The following PLCB4 variants were observed in gnomAD, a reference collection of about 807,000 sequenced individuals.
PLCB4 encodes phospholipase C beta 4.
Under a neutral mutation model 178.8 loss-of-function variants are expected in PLCB4, and 77 were observed. The observed-to-expected ratio is 0.43, with a 90% CI of 0.36 to 0.52. The LOEUF (loss-of-function observed/expected upper bound fraction) is 0.52, where lower values mean the gene tolerates loss of function less well. PLCB4 is among the 20% of genes least tolerant of loss of function. The probability of loss-of-function intolerance (pLI) is 0.00; values close to 1 mark genes in which losing one functional copy is unlikely to be tolerated. For missense variants in PLCB4, 1,024 were observed against 1,453.4 expected, an observed-to-expected ratio of 0.70 and a Z score of 4.80; for synonymous variants, 496 against 490.8, an observed-to-expected ratio of 1.01 and a Z score of -0.14.
chr20:9,388,573 G>A (rs952285634), intron 15 of PLCB4, among the ~76,000 whole-genome samples: 4 of 152,144 alleles, frequency 2.6e-5, no homozygotes, highest in Non-Finnish European at 4.4e-5. Flanking sequence ...ACAAAAATTA[G>A]CTGGTGTGGT....
At chr20:9,410,040 A>G (rs2039746168) in intron 24 of PLCB4, among the ~76,000 whole-genome samples, 1 of 152,130 alleles carries the variant, frequency 6.6e-6, no homozygotes, top group Non-Finnish European at 1.5e-5. Flanking sequence ...CAATTTGAGG[A>G]TTTTTTAAAA....
At chr20:9,275,457 G>A (rs2094442485) in intron 3 of PLCB4, among the ~76,000 whole-genome samples, 1 of 152,020 alleles carries the variant, frequency 6.6e-6, no homozygotes, top group Admixed American at 6.6e-5. Flanking sequence ...CTGGTGGGGA[G>A]GAAACAAGTG....
At chr20:9,316,624 A>G (rs1235850704) in intron 4 of PLCB4, among the ~76,000 whole-genome samples, 1 of 152,294 alleles carries the variant, frequency 6.6e-6, no homozygotes, top group Admixed American at 6.5e-5. Flanking sequence ...GAAGAATATC[A>G]GTTGTTCTCC....
chr20:9,076,169 TA>T (rs879395589), intron 1 of PLCB4, among the ~76,000 whole-genome samples: 10 of 151,990 alleles, frequency 6.6e-5, no homozygotes, highest in Non-Finnish European at 1.3e-4. Context: ...GGTGCTCCTT[TA>T]AAATAAGAAC....
At chr20:9,438,423 A>C (rs150476087) in intron 30 of PLCB4, among the ~76,000 whole-genome samples, 10 of 152,002 alleles carry the variant, frequency 6.6e-5, no homozygotes, top group African/African-American at 1.4e-4. Flanking sequence ...TATGGGCCTT[A>C]GGCAGAAAGG....
At chr20:9,205,797 G>A (rs1040522980) in intron 2 of PLCB4, among the ~76,000 whole-genome samples, 8 of 152,104 alleles carry the variant, frequency 5.3e-5, no homozygotes, top group African/African-American at 1.9e-4. Context: ...TAACCCCTGG[G>A]AACCATTAAT....
intron 3 of PLCB4, among the ~76,000 whole-genome samples, chr20:9,294,985 A>G (rs571547163): frequency 2.0e-4 from 30 of 152,292 alleles, no homozygotes; most frequent in Non-Finnish European, 4.1e-4. Context: ...ACTTAAGCTG[A>G]GGAAGAGGTC....
chr20:9,296,249 A>C (rs1238733390), intron 3 of PLCB4, among the ~76,000 whole-genome samples: 1 of 152,214 alleles, frequency 6.6e-6, no homozygotes, highest in African/African-American at 2.4e-5. Context: ...CAAAAAACAC[A>C]TGAAAAAATG....
intron 2 of PLCB4, among the ~76,000 whole-genome samples, chr20:9,207,944 A>G (rs1020339781): frequency 1.3e-5 from 2 of 152,176 alleles, no homozygotes; most frequent in Non-Finnish European, 2.9e-5. Flanking sequence ...CTTGCTGAAC[A>G]AGGCAGCTGC....
chr20:9,176,907 T>C (rs1292617432), intron 2 of PLCB4, among the ~76,000 whole-genome samples: 2 of 152,184 alleles, frequency 1.3e-5, no homozygotes, highest in Non-Finnish European at 2.9e-5. Flanking sequence ...GGCTGTGACT[T>C]CTGGTATTGT....
At chr20:9,391,089 T>C (rs1229293498) in intron 17 of PLCB4, among the ~76,000 whole-genome samples, 1 of 152,180 alleles carries the variant, frequency 6.6e-6, no homozygotes, top group African/African-American at 2.4e-5. Flanking sequence ...GAAAGTGCCC[T>C]GGATTGATGT....
intron 25 of PLCB4, among the ~76,000 whole-genome samples, chr20:9,415,460 T>C (rs566995479): frequency 6.6e-6 from 1 of 152,324 alleles, no homozygotes; most frequent in East Asian, 1.9e-4. Context: ...GCATCTTAGG[T>C]ATGATGAAAT....
At chr20:9,116,590 G>A (rs556871549) in intron 2 of PLCB4, among the ~76,000 whole-genome samples, 2 of 152,212 alleles carry the variant, frequency 1.3e-5, no homozygotes, top group African/African-American at 4.8e-5. Flanking sequence ...TAGGAGCCTC[G>A]GTTGCCTTCC....
chr20:9,457,406 A>AT lies in PLCB4; in HGVS notation c.2997-4dup. ...TTCTGGCATGCATTTGCAACTTTCC[A>AT]TTTTCAGGGGAAGTAATTGTCTCGA... On this transcript the variant is annotated splice_polypyrimidine_tract_variant and splice_region_variant and intron_variant, in intron 33 of 39. Transcript: ENST00000378473. 7.0e-7 allele frequency: 1 copy of AT among 1,430,348 alleles called. No individual in the cohort carries two copies. Among genetic ancestry groups the AT allele is most frequent in the Non-Finnish European group, 9.9e-7 (1 of 1,012,428 alleles). 88.6% of individuals were successfully genotyped at this position (1,430,348 alleles called of 1,614,324 possible).
At chr20:9,319,437 A>T (rs111402281) in intron 4 of PLCB4, among the ~76,000 whole-genome samples, 3 of 152,244 alleles carry the variant, frequency 2.0e-5, no homozygotes, top group African/African-American at 7.2e-5. Flanking sequence ...ATATAGAGAT[A>T]TATAGGTAGG....
intron 2 of PLCB4, among the ~76,000 whole-genome samples, chr20:9,152,386 G>T (rs964929386): frequency 1.3e-5 from 2 of 152,142 alleles, no homozygotes; most frequent in African/African-American, 2.4e-5. Context: ...CGGGCCCAGT[G>T]TCCCTGTGTG....
At chr20:9,388,376 C>T (rs1324985922) in intron 15 of PLCB4, among the ~76,000 whole-genome samples, 3 of 152,204 alleles carry the variant, frequency 2.0e-5, no homozygotes, top group Admixed American at 6.5e-5. Flanking sequence ...CCAGGAGCAG[C>T]GGTTCTCAAC....
intron 1 of PLCB4, among the ~76,000 whole-genome samples, chr20:9,072,318 T>G (rs911923064): frequency 6.6e-6 from 1 of 152,146 alleles, no homozygotes; most frequent in African/African-American, 2.4e-5. Flanking sequence ...CTTCTATTCC[T>G]TAGTATTTGT....
chr20:9,151,751 C>T (rs549633790), intron 2 of PLCB4, among the ~76,000 whole-genome samples: 24 of 152,076 alleles, frequency 1.6e-4, no homozygotes, highest in Non-Finnish European at 2.9e-4. Context: ...AAAAGATACC[C>T]GAAAATATGG....
Sources: allele counts gnomAD v4.1 joint callset (sites outside exome capture counted in the v4.1 genomes callset), GRCh38; gene constraint gnomAD v4.1.1; transcripts MANE v1.5; gene names NCBI Gene and HGNC (gene_info 2026-07-23, HGNC 2026-07-21).